Variants in SYT1 observed in about 807,000 individuals in gnomAD.
SYT1 encodes synaptotagmin 1.
In SYT1, 8 loss-of-function variants were observed where a neutral mutation model predicts 44.8. The ratio of observed to expected loss-of-function variants is 0.18; its 90% confidence interval spans 0.10 to 0.32. SYT1 has a LOEUF of 0.32. Among genes scored for constraint, SYT1 ranks in the 10% least tolerant of loss-of-function variants. The pLI, the probability that SYT1 is intolerant of heterozygous loss-of-function variation, is 1.00. For missense variants in SYT1, 286 were observed against 509.3 expected, an observed-to-expected ratio of 0.56 and a Z score of 4.22; for synonymous variants, 154 against 188.8, an observed-to-expected ratio of 0.82 and a Z score of 1.51.
intron 9 of SYT1, among the ~76,000 whole-genome samples, chr12:79,402,592 G>A (rs1223927824): frequency 6.6e-6 from 1 of 152,044 alleles, no homozygotes; most frequent in African/African-American, 2.4e-5. Context: ...CGATGCCAGA[G>A]GCAGGAAAAA....
At chr12:79,027,050 T>C (rs548163146) in intron 2 of SYT1, among the ~76,000 whole-genome samples, 1 of 151,660 alleles carries the variant, frequency 6.6e-6, no homozygotes, top group South Asian at 2.1e-4. Flanking sequence ...AGCCCACTTG[T>C]GGATGTACTC....
intron 4 of SYT1, among the ~76,000 whole-genome samples, chr12:79,226,584 T>G (rs1398750382): frequency 6.6e-6 from 1 of 152,124 alleles, no homozygotes; most frequent in African/African-American, 2.4e-5. Flanking sequence ...GCTAGCACTC[T>G]CCTTGATTTA....
Position 78,973,960 on chromosome 12 carries a change from T to A in SYT1, c.-216-3839T>A, listed in dbSNP as rs866773599. Among the ~76,000 whole-genome samples, 39 of 41,932 alleles carry A rather than the reference T, an allele frequency of 9.3e-4. 1 individual carries two copies. The highest frequency in any genetic ancestry group is 1.3e-3 in the Non-Finnish European group (28 of 21,608). The allele number at this position is 41,932 out of a possible 152,430, so 27.5% of individuals were successfully genotyped here. A position where few individuals can be genotyped will look rare whatever the true frequency, so the allele number is the denominator to read the frequency against. On this transcript the variant is annotated intron_variant, in intron 1 of 10. Coordinates refer to ENST00000261205, the MANE Select transcript of SYT1 (RefSeq NM_005639.3). ...AAAAATATATATATATATATATATA[T>A]ATATATATATATATATATATATATA...
At chr12:79,330,788 G>C (rs1881820516) in intron 8 of SYT1, among the ~76,000 whole-genome samples, 1 of 152,060 alleles carries the variant, frequency 6.6e-6, no homozygotes, top group South Asian at 2.1e-4. Context: ...ATTATCATTT[G>C]GATTTTCCTG....
At chr12:79,113,472 C>G (rs939830550) in intron 3 of SYT1, among the ~76,000 whole-genome samples, 2 of 144,984 alleles carry the variant, frequency 1.4e-5, no homozygotes, top group African/African-American at 5.1e-5. Flanking sequence ...GTGAAATGAT[C>G]TAGAAAAAAT....
chr12:79,050,698 G>A (rs959426154), intron 3 of SYT1, among the ~76,000 whole-genome samples: 5 of 151,940 alleles, frequency 3.3e-5, no homozygotes, highest in African/African-American at 9.7e-5. Flanking sequence ...ATAGCAAGAA[G>A]TTTTTAGTAA....
chr12:79,270,945 G>A (rs560363073), intron 4 of SYT1, among the ~76,000 whole-genome samples: 3 of 152,306 alleles, frequency 2.0e-5, no homozygotes, highest in South Asian at 2.1e-4. Flanking sequence ...GCGTAGAACC[G>A]CATAGAGCCT....
intron 1 of SYT1, among the ~76,000 whole-genome samples, chr12:78,951,531 GA>G (rs1030086999): frequency 2.6e-5 from 4 of 152,066 alleles, no homozygotes. Context: ...TGGTTTCCAG[GA>G]CAACATTAAT....
chr12:79,060,533 ACTGACTATT>A (rs1875303901), intron 3 of SYT1, among the ~76,000 whole-genome samples: 1 of 152,000 alleles, frequency 6.6e-6, no homozygotes, highest in Non-Finnish European at 1.5e-5. Flanking sequence ...TCTTGATGAA[ACTGACTATT>A]CTAACTACGT....
chr12:78,928,779 T>C (rs1406040723), intron 1 of SYT1, among the ~76,000 whole-genome samples: 1 of 152,150 alleles, frequency 6.6e-6, no homozygotes, highest in Non-Finnish European at 1.5e-5. Context: ...CTACTCAGAA[T>C]GATGTGCAAC....
intron 1 of SYT1, among the ~76,000 whole-genome samples, chr12:78,976,136 T>TAAA (rs1868815113): frequency 2.0e-5 from 3 of 152,186 alleles, no homozygotes; most frequent in African/African-American, 7.2e-5. Context: ...ACTTACCAAT[T>TAAA]TATAAAAATA....
chr12:78,953,181 T>C (rs917663054), intron 1 of SYT1, among the ~76,000 whole-genome samples: 2 of 152,098 alleles, frequency 1.3e-5, no homozygotes, highest in African/African-American at 2.4e-5. Flanking sequence ...GTTGTGTGGC[T>C]AGACTATTGT....
chr12:79,249,088 C>CTTTCTTTTT (rs1877025840), intron 4 of SYT1, among the ~76,000 whole-genome samples: 3 of 71,816 alleles, frequency 4.2e-5, no homozygotes, highest in African/African-American at 6.2e-5. Context: ...TTACCTCTTT[C>CTTTCTTTTT]TTTTTTTTTT....
chr12:79,095,506 A>T (rs942556293), intron 3 of SYT1, among the ~76,000 whole-genome samples: 1 of 151,854 alleles, frequency 6.6e-6, no homozygotes, highest in South Asian at 2.1e-4. Context: ...TTCTACATAT[A>T]ACCAATTTAT....
intron 3 of SYT1, among the ~76,000 whole-genome samples, chr12:79,157,314 A>G (rs957612882): frequency 6.6e-6 from 1 of 152,194 alleles, no homozygotes; most frequent in African/African-American, 2.4e-5. Flanking sequence ...TGGCTGAAGT[A>G]TGACACCAGG....
chr12:79,132,845 C>T (rs907017197), intron 3 of SYT1, among the ~76,000 whole-genome samples: 1 of 151,954 alleles, frequency 6.6e-6, no homozygotes, highest in Non-Finnish European at 1.5e-5. Context: ...ATTGAATCAA[C>T]CTAAGTGTTC....
chr12:79,413,910 T>C (rs1868576771), intron 9 of SYT1, among the ~76,000 whole-genome samples: 1 of 152,188 alleles, frequency 6.6e-6, no homozygotes, highest in South Asian at 2.1e-4. Flanking sequence ...TAACTCTCTT[T>C]TCCTCTATAA....
At chr12:79,152,795 G>T (rs1870354762) in intron 3 of SYT1, among the ~76,000 whole-genome samples, 1 of 150,834 alleles carries the variant, frequency 6.6e-6, no homozygotes, top group African/African-American at 2.4e-5. Context: ...AGAAATTTTT[G>T]CTAGGAGCAA....
At chr12:79,163,193 G>C (rs1871052555) in intron 3 of SYT1, among the ~76,000 whole-genome samples, 1 of 151,974 alleles carries the variant, frequency 6.6e-6, no homozygotes, top group African/African-American at 2.4e-5. Flanking sequence ...TCATCTATTT[G>C]GCTGCTTCTG....
Sources: gnomAD v4.1 joint callset for allele counts (sites outside exome capture counted in the v4.1 genomes callset) on GRCh38, gnomAD v4.1.1 for gene constraint, MANE v1.5 for transcripts, NCBI Gene and HGNC (gene_info 2026-07-23, HGNC 2026-07-21) for gene names.